Variants in YWHAZ observed in about 807,000 individuals in gnomAD.
YWHAZ encodes tyrosine 3-monooxygenase/tryptophan 5-monooxygenase activation protein zeta, also known as 14-3-3 protein zeta/delta.
For missense variants in YWHAZ, 79 were observed against 284.8 expected (o/e 0.28, Z 5.20); for synonymous variants, 87 against 103.6 (o/e 0.84, Z 0.97).
In YWHAZ at chr8:100,925,059, G is replaced by C; in HGVS notation, c.295-20C>G. Reference sequence around the variant, plus strand: ...AAGAGACTTAAGAAGAAAAGAAACAGACATAGTGAGAATAAAACATTTACA... The same window carrying C: ...AAGAGACTTAAGAAGAAAAGAAACACACATAGTGAGAATAAAACATTTACA... On this transcript the variant is annotated intron_variant, in intron 2 of 5. Coordinates refer to ENST00000395958, the MANE Select transcript of YWHAZ (RefSeq NM_145690.3). 6.3e-7 allele frequency: 1 copy of C among 1,596,732 alleles called. No homozygotes were observed. Among genetic ancestry groups the C allele is most frequent in the East Asian group, 2.2e-5 (1 of 44,746 alleles).
chr8:100,950,824 C>G, intron 1 of YWHAZ: 1 of 165,844 alleles, frequency 6.0e-6, no homozygotes, highest in Non-Finnish European at 1.2e-5. Context: ...TACAGCGTCT[C>G]TAAGGGACCG....
At chr8:100,939,484 AC>A (rs1363616189) in intron 2 of YWHAZ, among the ~76,000 whole-genome samples, 1 of 151,124 alleles carries the variant, frequency 6.6e-6, no homozygotes, top group Non-Finnish European at 1.5e-5. Flanking sequence ...ACATGGAGAA[AC>A]CCCATCTCTA....
At chr8:100,936,191 C>T (rs1159433549) in intron 2 of YWHAZ, among the ~76,000 whole-genome samples, 1 of 152,164 alleles carries the variant, frequency 6.6e-6, no homozygotes, top group African/African-American at 2.4e-5. Flanking sequence ...AGTTACAGAG[C>T]TGGGATCCTA....
At chr8:100,944,698 G>A (rs542597723) in intron 2 of YWHAZ, among the ~76,000 whole-genome samples, 1 of 152,250 alleles carries the variant, frequency 6.6e-6, no homozygotes, top group Non-Finnish European at 1.5e-5. Context: ...CACTATTATA[G>A]GCAGGCTCAC....
chr8:100,923,872 A>G (rs1813191199), intron 5 of YWHAZ, 83 bp downstream of exon 5: 2 of 1,170,418 alleles, frequency 1.7e-6, no homozygotes, highest in Non-Finnish European at 1.2e-6. Flanking sequence ...TAAAAGATGT[A>G]TTTAATAAAA....
chr8:100,951,159 C>T, intron 1 of YWHAZ: 2 of 985,214 alleles, frequency 2.0e-6, no homozygotes, highest in Non-Finnish European at 2.4e-6. Context: ...CTCTAGGTCC[C>T]AGGCGAGCCC....
At chr8:100,935,786 T>C (rs1814106521) in intron 2 of YWHAZ, among the ~76,000 whole-genome samples, 2 of 152,112 alleles carry the variant, frequency 1.3e-5, no homozygotes, top group African/African-American at 2.4e-5. Flanking sequence ...AGACAGGCAT[T>C]TCAAATACAA....
intron 1 of YWHAZ, chr8:100,950,529 T>C (rs1810644512): frequency 1.0e-6 from 1 of 985,404 alleles, no homozygotes; most frequent in Non-Finnish European, 1.2e-6. Context: ...GAGCCACGGC[T>C]CAAGTCCCCG....
chr8:100,925,083 C>A (rs1281764316), intron 2 of YWHAZ, 44 bp from the exon 3 acceptor site: 2 of 1,560,146 alleles, frequency 1.3e-6, no homozygotes, highest in Admixed American at 4.2e-5. Context: ...AAAACATTTA[C>A]AAAACTGAAA....
intron 2 of YWHAZ, among the ~76,000 whole-genome samples, chr8:100,931,730 C>T (rs1392097150): frequency 6.6e-6 from 1 of 152,050 alleles, no homozygotes; most frequent in Non-Finnish European, 1.5e-5. Context: ...ATTCTACTCA[C>T]TGGTTGCTCA....
chr8:100,934,688 A>G (rs1184511468), intron 2 of YWHAZ, among the ~76,000 whole-genome samples: 8 of 152,118 alleles, frequency 5.3e-5, no homozygotes, highest in Admixed American at 5.2e-4. Flanking sequence ...TGTCTCCAAA[A>G]AACAAAAGAG....
At position 100,940,674 on chromosome 8, in the gene YWHAZ, G is replaced by C. The variant is rs1341015642; in HGVS notation, c.294+7922C>G. Among the ~76,000 whole-genome samples, 4 of 152,168 alleles carry C rather than the reference G, an allele frequency of 2.6e-5. No individual in the cohort carries two copies. In the East Asian group the frequency reaches 7.7e-4, roughly 29 times the overall value. On this transcript the variant is annotated intron_variant, in intron 2 of 5. Coordinates refer to ENST00000395958, the MANE Select transcript of YWHAZ (RefSeq NM_145690.3). ...GTACAAAAGGTAAAGCAGTGTATTTGCTATTTAACACCACCACAGGGGTGT... is the reference window on the plus strand; with the variant it reads ...GTACAAAAGGTAAAGCAGTGTATTTCCTATTTAACACCACCACAGGGGTGT...
Position 100,917,281 on chromosome 8 carries a change from C to T in YWHAZ, c.*3412G>A, listed in dbSNP as rs1812745398. 1 of 152,174 alleles carries T rather than the reference C, an allele frequency of 6.6e-6. No homozygotes were observed. The highest frequency in any genetic ancestry group is 2.4e-5 in the African/African-American group (1 of 41,416). 9.4% of individuals were successfully genotyped at this position (152,174 alleles called of 1,614,324 possible). On this transcript the variant is annotated 3_prime_UTR_variant, in exon 6 of 6. Transcript: ENST00000395958. ...TAGACATATTCTTTCTCTTTCTCCC[C>T]CCACCCCCTATAACAGCATGAAGTA...
chr8:100,941,787 G>T (rs1407920343), intron 2 of YWHAZ, among the ~76,000 whole-genome samples: 2 of 99,302 alleles, frequency 2.0e-5, no homozygotes, highest in Non-Finnish European at 4.0e-5. Flanking sequence ...TGCTATCTCA[G>T]AAAAAAACAA....
Position 100,950,655 on chromosome 8 carries a change from C to CGTTG in YWHAZ, c.-12+1273_-12+1274insCAAC, listed in dbSNP as rs1554618194. ...GAGCAGCCCGCGCCCCCGCCCAAGCCGTGGGGGGGGGGGAGAGATGGGGAG... is the reference window on the plus strand; with the variant it reads ...GAGCAGCCCGCGCCCCCGCCCAAGCCGTTGGTGGGGGGGGGGGAGAGATGGGGAG... On this transcript the variant is annotated intron_variant, in intron 1 of 5. Coordinates refer to ENST00000395958, the MANE Select transcript of YWHAZ (RefSeq NM_145690.3). 1.4e-4 allele frequency: 119 copies of CGTTG among 826,002 alleles called. 3 individuals carry two copies. The South Asian group carries it at 1.8e-3, about 13-fold the overall frequency. The allele number at this position is 826,002 out of a possible 1,614,324, so 51.2% of individuals were successfully genotyped here.
chr8:100,938,525 A>G (rs1358191963), intron 2 of YWHAZ, among the ~76,000 whole-genome samples: 1 of 152,238 alleles, frequency 6.6e-6, no homozygotes, highest in African/African-American at 2.4e-5. Flanking sequence ...TGTCATTTTA[A>G]TAACATCCTC....
In YWHAZ at chr8:100,948,606, T is replaced by C. The variant is rs776898141; in HGVS notation, c.284A>G (p.Asn95Ser). The change falls in exon 2 of 6, where the codon AAT (asparagine) becomes AGT (serine). Residue 95 changes from asparagine to serine, a missense_variant. Asn to Ser is a conservative substitution (Grantham distance 46, BLOSUM62 1). Transcript: ENST00000395958. The surrounding 1 kb of genome is among the most constrained non-coding windows in gnomAD (Gnocchi z 4.2). ...TGAATTGATTCTCACCAGTACATCA[T>C]TGCAGATATCTCTTAGCTCCGTCTC... ...KIETELRDICNDVLSLLEKFL... is the reference protein window; with the variant it reads ...KIETELRDICSDVLSLLEKFL... 12 of 1,611,446 alleles carry C rather than the reference T, an allele frequency of 7.4e-6. 1 individual carries two copies. Among genetic ancestry groups the C allele is most frequent in the South Asian group, 3.3e-5 (3 of 90,986 alleles).
intron 2 of YWHAZ, among the ~76,000 whole-genome samples, chr8:100,934,374 C>T (rs1475905913): frequency 6.7e-6 from 1 of 150,130 alleles, no homozygotes; most frequent in Non-Finnish European, 1.5e-5. Flanking sequence ...TTGCTACATA[C>T]CCAAATAATA....
rs372575765 is a variant in YWHAZ, at chr8:100,932,577, A to G, written c.295-7538T>C. 7.9e-5 allele frequency among the ~76,000 whole-genome samples: 12 copies of G among 152,288 alleles called. No homozygotes were observed. The East Asian group carries it at 2.1e-3, about 27-fold the overall frequency. On this transcript the variant is annotated intron_variant, in intron 2 of 5. Transcript: ENST00000395958. ...TTTCCAAAGTTCTCATTTTTGCTCC[A>G]AAGCTTCAATTTTATCTGTCAAAAA...
Sources: gnomAD v4.1 joint callset for allele counts (sites outside exome capture counted in the v4.1 genomes callset) on GRCh38, gnomAD v4.1.1 for gene constraint, Gnocchi (gnomAD v3.1) non-coding constraint, MANE v1.5 for transcripts, NCBI Gene and HGNC (gene_info 2026-07-23, HGNC 2026-07-21) for gene names.